IL23R: variants seen among roughly 807,000 people sequenced by gnomAD.
IL23R encodes the protein interleukin 23 receptor.
A neutral mutation model predicts 56.9 loss-of-function variants in IL23R; 34 were observed. The ratio of observed to expected loss-of-function variants is 0.60; its 90% CI spans 0.45 to 0.80. The LOEUF is 0.80. Among genes scored for constraint, IL23R ranks in the 30% least tolerant of loss-of-function variants. The pLI is 0.00. For synonymous variants in IL23R, 230 were observed against 249.2 expected (o/e 0.92, Z 0.73); for missense variants, 635 against 730.0 (o/e 0.87, Z 1.50).
At chr1:67,170,327 T>C (rs146199491) in intron 3 of IL23R, among the ~76,000 whole-genome samples, 2 of 152,334 alleles carry the variant, frequency 1.3e-5, no homozygotes, top group East Asian at 1.9e-4. Flanking sequence ...TGATAAAACA[T>C]AGGGAGAGTC....
intron 6 of IL23R, among the ~76,000 whole-genome samples, chr1:67,214,804 A>C (rs1649723590): frequency 1.3e-5 from 2 of 152,186 alleles, no homozygotes; most frequent in Admixed American, 1.3e-4. Context: ...TACCTGTTTT[A>C]AGAAAAAACA....
At chr1:67,186,822 T>C (rs1647371771) in intron 4 of IL23R, among the ~76,000 whole-genome samples, 1 of 152,230 alleles carries the variant, frequency 6.6e-6, no homozygotes, top group Admixed American at 6.5e-5. Flanking sequence ...GGTTTCACCA[T>C]GTTGCCCAGG....
Position 67,222,082 on chromosome 1 carries a change from T to TCC in IL23R, c.955+2352_955+2353insCC, listed in dbSNP as rs1163935519. ...AGAAACAACTTATTAGGGAATCCTT[T>TCC]TCTCTTTCTTTCTTTCTTTCTTTTT... On this transcript the variant is annotated intron_variant, in intron 7 of 10. Coordinates refer to ENST00000347310, the MANE Select transcript of IL23R (RefSeq NM_144701.3). Among the ~76,000 whole-genome samples the TCC allele has an allele frequency of 5.8e-3, 858 of 147,278 alleles. 15 individuals are homozygous for TCC. Among genetic ancestry groups the TCC allele is most frequent in the African/African-American group, 0.021 (824 of 38,530 alleles).
At chr1:67,207,095 T>C (rs989604121) in intron 6 of IL23R, 40 bp downstream of exon 6, 5 of 1,605,896 alleles carry the variant, frequency 3.1e-6, no homozygotes, top group Middle Eastern at 3.3e-4. Flanking sequence ...TGTGAATGAA[T>C]GATTTAAAAG....
chr1:67,199,129 C>T (rs974308657), intron 4 of IL23R, among the ~76,000 whole-genome samples: 2 of 152,220 alleles, frequency 1.3e-5, no homozygotes, highest in Middle Eastern at 3.2e-3. Context: ...TATGCACTCA[C>T]TTTCTATCAC....
chr1:67,246,200 T>G lies in IL23R; in HGVS notation c.1148+5919T>G, dbSNP rs1020187502. 8.5e-5 allele frequency among the ~76,000 whole-genome samples: 13 copies of G among 152,192 alleles called. No homozygotes were observed. In the East Asian group the frequency reaches 2.5e-3, roughly 29 times the overall value. ...ATTGCATCTATTTGATTCTTCTCTCTTTTCTTCTTTATTAGTCTGGCTAGC... is the reference window on the plus strand; with the variant it reads ...ATTGCATCTATTTGATTCTTCTCTCGTTTCTTCTTTATTAGTCTGGCTAGC... On this transcript the variant is annotated intron_variant, in intron 9 of 10. Coordinates refer to ENST00000347310, the MANE Select transcript of IL23R (RefSeq NM_144701.3).
intron 3 of IL23R, 111 bp from the exon 4 acceptor site, chr1:67,182,725 A>G (rs773446036): frequency 2.5e-5 from 28 of 1,119,748 alleles, no homozygotes; most frequent in Middle Eastern, 2.0e-4. Context: ...CTTCTGCATC[A>G]TTCACGCTGG....
chr1:67,144,560 CA>C lies in IL23R; in HGVS notation c.-634+5402del, dbSNP rs1429687534. Among the ~76,000 whole-genome samples the C allele has an allele frequency of 5.9e-5, 9 of 152,274 alleles. No individual in the cohort carries two copies. The East Asian group carries it at 1.7e-3, about 29-fold the overall frequency. On this transcript the variant is annotated intron_variant, in intron 1 of 10. Transcript: ENST00000637002. ...ACAAAATTTAATTGAAAGTTAATGT[CA>C]AATACCATTATTATCTTTGAACTAA...
Position 67,200,728 on chromosome 1 carries a change from T to G in IL23R, c.492-9T>G. The G allele has an allele frequency of 1.2e-6, 2 of 1,611,408 alleles. No homozygotes were observed. Among genetic ancestry groups the G allele is most frequent in the Non-Finnish European group, 1.7e-6 (2 of 1,177,844 alleles). On this transcript the variant is annotated splice_polypyrimidine_tract_variant and intron_variant, in intron 4 of 10. Transcript: ENST00000347310. ...ACAATTTATGATCATCTTTTTTTTT[T>G]GTTTTAAGTTTAGAGACAGAAGAAG...
chr1:67,149,690 A>C (rs935287983), intron 1 of IL23R, among the ~76,000 whole-genome samples: 1 of 152,132 alleles, frequency 6.6e-6, no homozygotes, highest in African/African-American at 2.4e-5. Context: ...CCTACTTTAT[A>C]CTGGAGGTTC....
intron 9 of IL23R, among the ~76,000 whole-genome samples, chr1:67,242,915 G>C (rs1159179138): frequency 6.6e-6 from 1 of 152,126 alleles, no homozygotes; most frequent in Non-Finnish European, 1.5e-5. Context: ...TGTCCAATCA[G>C]GTAGCCAAAT....
At chr1:67,138,909 T>C (rs1254289201) in exon 1 of IL23R, 1 of 152,336 alleles carries the variant, frequency 6.6e-6, no homozygotes, top group African/African-American at 2.4e-5. Flanking sequence ...AGGTGACTAA[T>C]GGGAGGCCAG....
intron 5 of IL23R, 116 bp downstream of exon 5, chr1:67,201,013 G>A: frequency 9.4e-7 from 1 of 1,066,844 alleles, no homozygotes; most frequent in Non-Finnish European, 1.4e-6. Context: ...CATGATAAAA[G>A]AAACAGAAAT....
At chr1:67,138,805 T>C (rs1646607164), upstream of IL23R, 1 of 152,370 alleles carries the variant, frequency 6.6e-6, no homozygotes, top group Admixed American at 6.5e-5. Context: ...TCAGAACTTC[T>C]GCAGCCCCCT....
intron 5 of IL23R, among the ~76,000 whole-genome samples, chr1:67,201,675 TTTTG>T (rs1007585307): frequency 1.1e-4 from 16 of 152,254 alleles, no homozygotes; most frequent in South Asian, 2.1e-4. Context: ...TGTAAGGTTT[TTTTG>T]TTTGTTTGTT....
At chr1:67,234,781 C>T (rs1186607108) in intron 7 of IL23R, among the ~76,000 whole-genome samples, 1 of 142,722 alleles carries the variant, frequency 7.0e-6, no homozygotes, top group Non-Finnish European at 1.5e-5. Flanking sequence ...GATCTCAGCT[C>T]ACTGCAGCCT....
intron 6 of IL23R, among the ~76,000 whole-genome samples, chr1:67,216,575 C>A (rs1649847612): frequency 6.6e-6 from 1 of 152,102 alleles, no homozygotes; most frequent in Admixed American, 6.6e-5. Context: ...CAGTCACAGA[C>A]AATTATGTAA....
At position 67,227,958 on chromosome 1, in the gene IL23R, CTTTCTTTCTTT is replaced by C. The variant is rs1558253859; in HGVS notation, c.955+8229_955+8239del. Reference sequence around the variant, plus strand: ...AACAAAGATCTTTCTTTCTTTCTTTCTTTCTTTCTTTCTTTCTTTCTTTCTTTCTTTCTTTC... The same window carrying C: ...AACAAAGATCTTTCTTTCTTTCTTTCCTTTCTTTCTTTCTTTCTTTCTTTC... On this transcript the variant is annotated intron_variant, in intron 7 of 10. Transcript: ENST00000347310. 3.3e-3 allele frequency among the ~76,000 whole-genome samples: 118 copies of C among 35,966 alleles called. 15 individuals are homozygous for C. Among genetic ancestry groups the C allele is most frequent in the African/African-American group, 0.011 (114 of 10,604 alleles). 23.6% of individuals were successfully genotyped at this position (35,966 alleles called of 152,430 possible). A position where few individuals can be genotyped will look rare whatever the true frequency, so the allele number is the denominator to read the frequency against.
At chr1:67,179,342 T>C (rs1326138736) in intron 3 of IL23R, among the ~76,000 whole-genome samples, 1 of 152,212 alleles carries the variant, frequency 6.6e-6, no homozygotes, top group Non-Finnish European at 1.5e-5. Context: ...TGGTTTAGTC[T>C]TGGGAGGGTG....
Sources: gnomAD v4.1 joint callset for allele counts (sites outside exome capture counted in the v4.1 genomes callset) on GRCh38, gnomAD v4.1.1 for gene constraint, MANE v1.5 for transcripts, NCBI Gene and HGNC (gene_info 2026-07-23, HGNC 2026-07-21) for gene names.